The following LGR5 variants were observed in gnomAD, a reference collection of about 807,000 sequenced individuals.
The protein encoded by LGR5 is leucine-rich repeat-containing G protein-coupled receptor 5.
In LGR5, 54 loss-of-function variants were observed where a neutral mutation model predicts 76.7. The observed-to-expected ratio is 0.70, with a 90% confidence interval of 0.57 to 0.88. LGR5 has a LOEUF of 0.88. Ranked by LOEUF, LGR5 falls within the 40% of genes least tolerant of loss-of-function variation. LGR5 has a pLI of 0.00. For synonymous variants in LGR5, 406 were observed against 421.9 expected, an observed-to-expected ratio of 0.96 and a Z score of 0.46; for missense variants, 1,078 against 1,073.3, an observed-to-expected ratio of 1.00 and a Z score of -0.06.
intron 3 of LGR5, 69 bp downstream of exon 3, chr12:71,524,546 A>G: frequency 9.3e-7 from 1 of 1,077,832 alleles, no homozygotes; most frequent in Non-Finnish European, 1.4e-6. Context: ...TTAACTTGTA[A>G]AAGCTGAGTG....
chr12:71,493,152 C>T (rs73340155), intron 1 of LGR5, among the ~76,000 whole-genome samples: 3,675 of 151,316 alleles, frequency 0.024, 373 homozygotes, highest in African/African-American at 0.086. Flanking sequence ...AGTTGAATAA[C>T]GGACCAATCT....
chr12:71,474,464 TG>T (rs1464229350), intron 1 of LGR5, among the ~76,000 whole-genome samples: 2 of 152,250 alleles, frequency 1.3e-5, no homozygotes, highest in Non-Finnish European at 2.9e-5. Flanking sequence ...GAAACTGTCT[TG>T]GCACTTTAAA....
At chr12:71,460,098 C>T (rs1404210538) in intron 1 of LGR5, among the ~76,000 whole-genome samples, 2 of 152,034 alleles carry the variant, frequency 1.3e-5, no homozygotes, top group African/African-American at 4.8e-5. Flanking sequence ...TCATGTTTGC[C>T]CTGCTCTTGA....
At chr12:71,498,568 A>T (rs1290820976) in intron 1 of LGR5, among the ~76,000 whole-genome samples, 1 of 152,130 alleles carries the variant, frequency 6.6e-6, no homozygotes, top group Non-Finnish European at 1.5e-5. Context: ...GAGCCCTCTC[A>T]TGTCTCTTTT....
At chr12:71,552,567 CA>C (rs5799046) in intron 4 of LGR5, among the ~76,000 whole-genome samples, 349 of 123,888 alleles carry the variant, frequency 2.8e-3, no homozygotes, top group South Asian at 0.012. Context: ...GACTTCGTCT[CA>C]AAAAAAAAAA....
chr12:71,535,875 C>G (rs1379013192), intron 4 of LGR5, among the ~76,000 whole-genome samples: 1 of 152,208 alleles, frequency 6.6e-6, no homozygotes, highest in Non-Finnish European at 1.5e-5. Flanking sequence ...CCTACACACA[C>G]TGATTTAAAA....
chr12:71,484,631 T>G (rs1176043956), intron 1 of LGR5, among the ~76,000 whole-genome samples: 1 of 150,714 alleles, frequency 6.6e-6, no homozygotes, highest in Non-Finnish European at 1.5e-5. Context: ...GGGTTTGGTT[T>G]GCTGTCATTA....
At chr12:71,515,514 A>G (rs1875391156) in intron 2 of LGR5, among the ~76,000 whole-genome samples, 1 of 152,248 alleles carries the variant, frequency 6.6e-6, no homozygotes, top group Admixed American at 6.5e-5. Flanking sequence ...AAAGAGTGGG[A>G]AAATTCAGAA....
At chr12:71,572,656 T>G (rs1462470990) in intron 12 of LGR5, among the ~76,000 whole-genome samples, 194 bp from the exon 13 acceptor site, 2 of 152,218 alleles carry the variant, frequency 1.3e-5, no homozygotes, top group Non-Finnish European at 1.5e-5. Flanking sequence ...AACTAGCTCC[T>G]TTGAAAGAGA....
chr12:71,474,003 T>C (rs995996996), intron 1 of LGR5, among the ~76,000 whole-genome samples: 1 of 152,208 alleles, frequency 6.6e-6, no homozygotes, highest in Admixed American at 6.5e-5. Context: ...ACAAATCTCA[T>C]GCACTAAAAT....
chr12:71,488,722 G>T (rs1873941955), intron 1 of LGR5, among the ~76,000 whole-genome samples: 1 of 152,148 alleles, frequency 6.6e-6, no homozygotes, highest in Non-Finnish European at 1.5e-5. Context: ...TCCCATTGGG[G>T]TTGATCTAAT....
intron 4 of LGR5, among the ~76,000 whole-genome samples, chr12:71,537,525 A>T (rs1876658893): frequency 6.6e-6 from 1 of 152,094 alleles, no homozygotes; most frequent in Admixed American, 6.6e-5. Flanking sequence ...ACATAGGCTG[A>T]ACCACCAACT....
At chr12:71,439,391 G>T (rs115734376), upstream of LGR5, among the ~76,000 whole-genome samples, 775 of 152,242 alleles carry the variant, frequency 5.1e-3, 9 homozygotes, top group African/African-American at 0.017. Context: ...ATCACTTCAA[G>T]TATCTCATCC....
intron 1 of LGR5, among the ~76,000 whole-genome samples, chr12:71,502,399 T>C (rs1295297423): frequency 4.6e-5 from 7 of 152,060 alleles, no homozygotes; most frequent in Admixed American, 3.3e-4. Context: ...GGTCTCACCA[T>C]GTTAGCCAGG....
rs565288717 is a variant in LGR5 at position 71,453,464 on chromosome 12, CTTTTTTT to C, written c.212+13183_212+13189del. Among the ~76,000 whole-genome samples the C allele has an allele frequency of 4.3e-5, 6 of 138,332 alleles. No homozygotes were observed. The Admixed American group carries it at 4.4e-4, about 10-fold the overall frequency. 90.8% of individuals were successfully genotyped at this position (138,332 alleles called of 152,430 possible). Reference sequence around the variant, plus strand: ...GGGTTTGAATTGCTTTTATCCTTTCCTTTTTTTTTTTTTTTTTAATCTCATCCACCCT... The same window carrying C: ...GGGTTTGAATTGCTTTTATCCTTTCCTTTTTTTTTTAATCTCATCCACCCT... On this transcript the variant is annotated intron_variant, in intron 1 of 17. Transcript: ENST00000266674.
At chr12:71,533,779 A>G (rs1050533320) in intron 3 of LGR5, among the ~76,000 whole-genome samples, 1 of 152,238 alleles carries the variant, frequency 6.6e-6, no homozygotes, top group Non-Finnish European at 1.5e-5. Context: ...AGGTGTTATT[A>G]CTGATCGCTG....
chr12:71,512,055 G>A (rs754993743), intron 2 of LGR5, among the ~76,000 whole-genome samples: 1 of 152,062 alleles, frequency 6.6e-6, no homozygotes, highest in African/African-American at 2.4e-5. Context: ...GCAGTGGCAC[G>A]ATGTCAGCTC....
chr12:71,584,973 T>A lies in LGR5; in HGVS notation c.*239T>A. 1 of 443,910 alleles carries A rather than the reference T, an allele frequency of 2.3e-6. No homozygotes were observed. Among genetic ancestry groups the A allele is most frequent in the Non-Finnish European group, 4.0e-6 (1 of 252,378 alleles). The allele number at this position is 443,910 out of a possible 1,614,324, so 27.5% of individuals were successfully genotyped here. A position where few individuals can be genotyped will look rare whatever the true frequency, so the allele number is the denominator to read the frequency against. On this transcript the variant is annotated 3_prime_UTR_variant, in exon 18 of 18. Coordinates refer to ENST00000266674, the MANE Select transcript of LGR5 (RefSeq NM_003667.4). ...GGATAGATCGATCACACTATTTAAG[T>A]GAGCCCAGATCAAAAAAGCAGATTG...
chr12:71,553,688 C>G (rs1393865722), intron 5 of LGR5, among the ~76,000 whole-genome samples: 1 of 151,986 alleles, frequency 6.6e-6, no homozygotes, highest in African/African-American at 2.4e-5. Flanking sequence ...CTTTGTGAAC[C>G]CTTACCAAGG....
Sources: allele counts gnomAD v4.1 joint callset (sites outside exome capture counted in the v4.1 genomes callset), GRCh38; gene constraint gnomAD v4.1.1; transcripts MANE v1.5; gene names NCBI Gene and HGNC (gene_info 2026-07-23, HGNC 2026-07-21).